PMPCB: variants seen among roughly 807,000 people sequenced by gnomAD.
PMPCB encodes peptidase, mitochondrial processing subunit beta.
A neutral mutation model predicts 61.5 loss-of-function variants in PMPCB; 46 were observed. The ratio of observed to expected loss-of-function variants is 0.75; its 90% CI spans 0.59 to 0.96. The LOEUF is 0.96. PMPCB is among the 40% of genes least tolerant of loss of function. The pLI, the probability that PMPCB is intolerant of heterozygous loss-of-function variation, is 0.00. For missense variants in PMPCB, 590 were observed against 602.4 expected, an observed-to-expected ratio of 0.98 and a Z score of 0.22; for synonymous variants, 191 against 201.6, an observed-to-expected ratio of 0.95 and a Z score of 0.44.
At chr7:103,314,859 C>T (rs1817959372), downstream of PMPCB, among the ~76,000 whole-genome samples, 1 of 152,090 alleles carries the variant, frequency 6.6e-6, no homozygotes, top group South Asian at 2.1e-4. Flanking sequence ...TCTATTAATC[C>T]AAAAGCATCT....
In PMPCB at chr7:103,301,844, T is replaced by C. The variant is rs142603314; in HGVS notation, c.457+1537T>C. ...TACTTTAAGTTCTAGGGTACATGTG[T>C]ACAACGTGCAGGTTTGTTACATATG... On this transcript the variant is annotated intron_variant, in intron 4 of 12. Transcript: ENST00000249269. Among the ~76,000 whole-genome samples, 1,179 of 152,248 alleles carry C rather than the reference T, an allele frequency of 7.7e-3. 12 individuals are homozygous for C. The highest frequency in any genetic ancestry group is 0.014 in the African/African-American group (572 of 41,556).
At chr7:103,302,085 A>G (rs2115638403) in intron 4 of PMPCB, among the ~76,000 whole-genome samples, 1 of 152,302 alleles carries the variant, frequency 6.6e-6, no homozygotes. Context: ...TTTGCTCAGA[A>G]TGATGGTTTC....
rs527541360 is a variant in PMPCB at position 103,322,283 on chromosome 7, G to C, written c.*1432-6648G>C. Among the ~76,000 whole-genome samples the C allele has an allele frequency of 2.0e-5, 3 of 152,168 alleles. No homozygotes were observed. The East Asian group carries it at 5.8e-4, about 29-fold the overall frequency. ...TAGAAAATGTAAAATTGACATATTA[G>C]AAATAAGCATAATATTAAAGGAACT... On this transcript the variant is annotated intron_variant and NMD_transcript_variant, in intron 12 of 12. Coordinates refer to the PMPCB transcript ENST00000444457.
chr7:103,321,864 A>ACAAC, intron 12 of PMPCB: 1 of 1,529,376 alleles, frequency 6.5e-7, no homozygotes, highest in Non-Finnish European at 8.9e-7. Context: ...AAACAAACAA[A>ACAAC]AAGAAGTATT....
chr7:103,297,927 C>A, intron 1 of PMPCB: 1 of 1,269,484 alleles, frequency 7.9e-7, no homozygotes, highest in Middle Eastern at 2.9e-4. Context: ...CTCAGCTGGG[C>A]TTCCCGCGAA....
chr7:103,344,732 A>G, the PMPCB span: 1 of 1,166,086 alleles, frequency 8.6e-7, no homozygotes, highest in South Asian at 1.3e-5. Flanking sequence ...CCTTGGCTCT[A>G]AGACGCCCAG....
Position 103,311,650 on chromosome 7 carries a change from C to T in PMPCB, c.1162C>T (p.Leu388Phe), listed in dbSNP as rs1259708576. 1 of 1,612,830 alleles carries T rather than the reference C, an allele frequency of 6.2e-7. No homozygotes were observed. Among genetic ancestry groups the T allele is most frequent in the Non-Finnish European group, 8.5e-7 (1 of 1,179,242 alleles). Residue 388 changes from leucine (L) to phenylalanine (F), a missense_variant, in exon 10 of 13, where the codon CTC becomes TTC. Leu to Phe is a conservative substitution (Grantham distance 22, BLOSUM62 0). Coordinates refer to ENST00000249269, the MANE Select transcript of PMPCB (RefSeq NM_004279.3). ...TTTTTCCACGTTTTTTAGGATGCGACTCTGTACAAGTGTCACAGAAAGTGA... is the reference window on the plus strand; with the variant it reads ...TTTTTCCACGTTTTTTAGGATGCGATTCTGTACAAGTGTCACAGAAAGTGA... ...LHVVQKEWMR[L>F]CTSVTESEVA... is the part of the protein sequence containing the mutation.
intron 12 of PMPCB, chr7:103,324,521 T>C: frequency 6.7e-7 from 1 of 1,497,304 alleles, no homozygotes; most frequent in Non-Finnish European, 9.0e-7. Context: ...AAATGATGAA[T>C]TCATATCACC....
At chr7:103,318,237 C>T (rs1818182606), downstream of PMPCB, among the ~76,000 whole-genome samples, 1 of 152,056 alleles carries the variant, frequency 6.6e-6, no homozygotes, top group African/African-American at 2.4e-5. Context: ...ATGATCATAG[C>T]TCACTGCAGC....
In PMPCB at chr7:103,312,760, T is replaced by A; in HGVS notation, c.*489T>A. The A allele has an allele frequency of 6.6e-7, 1 of 1,522,320 alleles. No homozygotes were observed. The highest frequency in any genetic ancestry group is 8.7e-7 in the Non-Finnish European group (1 of 1,143,758). The allele number at this position is 1,522,320 out of a possible 1,614,324, so 94.3% of individuals were successfully genotyped here. On this transcript the variant is annotated 3_prime_UTR_variant, in exon 13 of 13. Transcript: ENST00000249269. ...GATAGATAGTACTAAATATACTGAT[T>A]TCATTATCTGCCAGGGCCTAGAAAG...
At chr7:103,325,134 C>T (rs1043526840) in intron 12 of PMPCB, among the ~76,000 whole-genome samples, 1 of 152,092 alleles carries the variant, frequency 6.6e-6, no homozygotes, top group Admixed American at 6.6e-5. Context: ...TACTTTTTAC[C>T]ACCTCAGCAC....
intron 12 of PMPCB, among the ~76,000 whole-genome samples, chr7:103,327,157 T>C (rs1446894780): frequency 2.6e-5 from 4 of 152,158 alleles, no homozygotes; most frequent in Non-Finnish European, 5.9e-5. Context: ...TTAATTTGCT[T>C]AGTGATGTGT....
chr7:103,322,969 G>A (rs890769236), intron 12 of PMPCB, among the ~76,000 whole-genome samples: 3 of 149,564 alleles, frequency 2.0e-5, no homozygotes, highest in African/African-American at 2.5e-5. Context: ...TGCTCTTGTC[G>A]CCCAGGCTGG....
intron 1 of PMPCB, chr7:103,297,959 A>AT (rs2115599782): frequency 6.6e-6 from 8 of 1,206,638 alleles, no homozygotes; most frequent in East Asian, 5.9e-5. Flanking sequence ...ATGAAGTAAA[A>AT]TTTTTTATGT....
chr7:103,323,711 A>G, intron 12 of PMPCB: 1 of 1,286,814 alleles, frequency 7.8e-7, no homozygotes, highest in Non-Finnish European at 1.0e-6. Flanking sequence ...TAAATGAAAA[A>G]AAATTCTTTT....
intron 1 of PMPCB, 31 bp downstream of exon 1, chr7:103,297,589 C>A: frequency 1.2e-6 from 2 of 1,611,668 alleles, no homozygotes; most frequent in Non-Finnish European, 8.5e-7. Context: ...GTCCTGTCCT[C>A]GAGATCTCGC....
In PMPCB at chr7:103,297,673, C is replaced by T. The variant is rs192846145; in HGVS notation, c.99+115C>T. On this transcript the variant is annotated intron_variant, in intron 1 of 12. Transcript: ENST00000249269. ...TGGGTCGGGCAGGGCCTCCTCGACC[C>T]GGACCCGCCGGGCGCCAGGCGGCCT... 0.013 allele frequency: 20,623 copies of T among 1,541,956 alleles called. 178 individuals carry two copies. Among genetic ancestry groups the T allele is most frequent in the Non-Finnish European group, 0.016 (18,204 of 1,147,886 alleles).
chr7:103,315,898 T>G (rs371053692), downstream of PMPCB: 1 of 1,562,124 alleles, frequency 6.4e-7, no homozygotes, highest in Admixed American at 1.7e-5. Context: ...ATTTAATACT[T>G]AACAGATCAT....
intron 6 of PMPCB, 76 bp from the exon 7 acceptor site, chr7:103,307,520 C>T: frequency 1.2e-6 from 1 of 819,332 alleles, no homozygotes; most frequent in Non-Finnish European, 2.1e-6. Flanking sequence ...TAATGTACAT[C>T]ACATTATACC....
Sources: allele counts gnomAD v4.1 joint callset (sites outside exome capture counted in the v4.1 genomes callset), GRCh38; gene constraint gnomAD v4.1.1; transcripts MANE v1.5; gene names NCBI Gene and HGNC (gene_info 2026-07-23, HGNC 2026-07-21).